Variants in TENM2 observed in about 807,000 individuals in gnomAD.
The protein encoded by TENM2 is teneurin transmembrane protein 2, also known as teneurin-2.
In TENM2, 52 loss-of-function variants were observed where a neutral mutation model predicts 245.2. The observed-to-expected ratio is 0.21, with a 90% confidence interval of 0.17 to 0.27. The LOEUF (loss-of-function observed/expected upper bound fraction) is 0.27. Among genes scored for constraint, TENM2 ranks in the 10% least tolerant of loss-of-function variants. The pLI is 1.00. For synonymous variants in TENM2, 1,363 were observed against 1,438.9 expected (o/e 0.95, Z 1.19); for missense variants, 3,046 against 3,666.8 (o/e 0.83, Z 4.37).
intron 3 of TENM2, among the ~76,000 whole-genome samples, chr5:167,879,387 C>T (rs1289511594): frequency 6.6e-6 from 1 of 152,120 alleles, no homozygotes; most frequent in Non-Finnish European, 1.5e-5. Flanking sequence ...TGAGCTCCAG[C>T]GAGTGGCTCA....
the TENM2 span, among the ~76,000 whole-genome samples, chr5:167,214,224 T>C: frequency 6.6e-6 from 1 of 152,196 alleles, no homozygotes; most frequent in African/African-American, 2.4e-5. Flanking sequence ...TTGCCCCATT[T>C]TCATATTGCA....
At chr5:167,517,613 C>T (rs966645800) in intron 2 of TENM2, among the ~76,000 whole-genome samples, 3 of 152,122 alleles carry the variant, frequency 2.0e-5, no homozygotes, top group Non-Finnish European at 4.4e-5. Flanking sequence ...GCTCTCTCAG[C>T]TGAGGGGTCT....
the TENM2 span, among the ~76,000 whole-genome samples, chr5:167,054,016 A>C: frequency 6.6e-6 from 1 of 152,180 alleles, no homozygotes; most frequent in Non-Finnish European, 1.5e-5. Flanking sequence ...CATTTGTTAC[A>C]ATAGGCAAAC....
chr5:167,983,688 A>C (rs1375230090), intron 4 of TENM2, among the ~76,000 whole-genome samples: 1 of 152,204 alleles, frequency 6.6e-6, no homozygotes, highest in Admixed American at 6.5e-5. Context: ...CCTGAGAAGT[A>C]ACGATTTTAA....
chr5:167,849,054 A>G (rs1770320081), intron 2 of TENM2, among the ~76,000 whole-genome samples: 1 of 152,204 alleles, frequency 6.6e-6, no homozygotes, highest in Admixed American at 6.5e-5. Context: ...GAAGTCTAAA[A>G]GCAGTCTCAA....
the TENM2 span, among the ~76,000 whole-genome samples, chr5:167,064,983 A>G: frequency 6.6e-6 from 1 of 152,206 alleles, no homozygotes; most frequent in Non-Finnish European, 1.5e-5. Flanking sequence ...TTTCTTGTTT[A>G]GACAGTGGTT....
chr5:168,004,538 C>CACACACACAT (rs1784677063), intron 5 of TENM2, among the ~76,000 whole-genome samples: 2 of 152,130 alleles, frequency 1.3e-5, no homozygotes, highest in South Asian at 4.2e-4. Flanking sequence ...CACACACACA[C>CACACACACAT]ACACACACAC....
the TENM2 span, among the ~76,000 whole-genome samples, chr5:167,225,958 G>A: frequency 1.3e-5 from 2 of 151,844 alleles, no homozygotes; most frequent in African/African-American, 4.8e-5. Context: ...GCAAATAGTT[G>A]TTCATAATAG....
At chr5:167,202,183 CCT>C in the TENM2 span, among the ~76,000 whole-genome samples, 1 of 152,134 alleles carries the variant, frequency 6.6e-6, no homozygotes, top group Non-Finnish European at 1.5e-5. Context: ...CTATAAATTT[CCT>C]CTCTCTATGC....
chr5:167,952,345 T>C (rs1215491952), intron 3 of TENM2: 1 of 583,608 alleles, frequency 1.7e-6, no homozygotes, highest in Non-Finnish European at 3.1e-6. Flanking sequence ...TCCACCTGGT[T>C]TTGCTAAATT....
At chr5:168,161,823 C>CACACACAA (rs1165897108) in intron 12 of TENM2, among the ~76,000 whole-genome samples, 1 of 150,522 alleles carries the variant, frequency 6.6e-6, no homozygotes, top group Non-Finnish European at 1.5e-5. Context: ...TGTATACACA[C>CACACACAA]ACACACACAC....
intron 2 of TENM2, among the ~76,000 whole-genome samples, chr5:167,426,191 A>G (rs1763811384): frequency 6.6e-6 from 1 of 152,208 alleles, no homozygotes; most frequent in Non-Finnish European, 1.5e-5. Flanking sequence ...ACATTTTAAA[A>G]GTTTTTTAAA....
At chr5:168,163,036 C>T (rs1757894481) in intron 13 of TENM2, among the ~76,000 whole-genome samples, 1 of 152,202 alleles carries the variant, frequency 6.6e-6, no homozygotes, top group African/African-American at 2.4e-5. Flanking sequence ...CCTTCAGGGT[C>T]ACCAGTCCTG....
At chr5:167,524,793 C>T (rs747839362) in intron 2 of TENM2, among the ~76,000 whole-genome samples, 3 of 151,612 alleles carry the variant, frequency 2.0e-5, no homozygotes, top group East Asian at 2.0e-4. Context: ...CCAAGAAAAT[C>T]GAACATGAGG....
At chr5:167,980,521 G>A (rs1236378163) in intron 4 of TENM2, among the ~76,000 whole-genome samples, 3 of 152,156 alleles carry the variant, frequency 2.0e-5, no homozygotes, top group African/African-American at 7.2e-5. Flanking sequence ...ACAGCAAAGA[G>A]GATGGCAGGT....
intron 2 of TENM2, among the ~76,000 whole-genome samples, chr5:167,462,928 T>C (rs1324233866): frequency 6.6e-6 from 1 of 152,060 alleles, no homozygotes; most frequent in African/African-American, 2.4e-5. Flanking sequence ...ATCAATTCTA[T>C]AGGGCACTGA....
intron 6 of TENM2, among the ~76,000 whole-genome samples, chr5:168,057,959 C>T (rs780504309): frequency 5.9e-5 from 9 of 151,942 alleles, no homozygotes; most frequent in Admixed American, 1.3e-4. Flanking sequence ...AGCCTGGGTG[C>T]GAGCCTGGTT....
intron 2 of TENM2, among the ~76,000 whole-genome samples, chr5:167,865,079 G>A (rs1440004611): frequency 1.3e-5 from 2 of 152,086 alleles, no homozygotes. Flanking sequence ...ATTCTAGGAC[G>A]GCAAGAAAAC....
At chr5:167,532,989 A>T (rs970858999) in intron 2 of TENM2, among the ~76,000 whole-genome samples, 2 of 152,120 alleles carry the variant, frequency 1.3e-5, no homozygotes, top group African/African-American at 4.8e-5. Context: ...CTAGAATGTG[A>T]TATGAGATGA....
Sources: allele counts gnomAD v4.1 joint callset (sites outside exome capture counted in the v4.1 genomes callset), GRCh38; gene constraint gnomAD v4.1.1; transcripts MANE v1.5; gene names NCBI Gene and HGNC (gene_info 2026-07-23, HGNC 2026-07-21).